Variants in ATXN2 observed in about 807,000 individuals in gnomAD.
ATXN2 encodes the protein ataxin-2.
In ATXN2, 37 loss-of-function variants were observed where a neutral mutation model predicts 138.6. The ratio of observed to expected loss-of-function variants is 0.27; its 90% confidence interval spans 0.21 to 0.35. The LOEUF is 0.35. Among genes scored for constraint, ATXN2 ranks in the 10% least tolerant of loss-of-function variants. ATXN2 has a pLI of 1.00. For synonymous variants in ATXN2, 549 were observed against 543.7 expected, an observed-to-expected ratio of 1.01 and a Z score of -0.13; for missense variants, 1,216 against 1,480.3, an observed-to-expected ratio of 0.82 and a Z score of 2.93.
intron 5 of ATXN2, among the ~76,000 whole-genome samples, chr12:111,528,456 C>T (rs974048621): frequency 6.6e-6 from 1 of 152,096 alleles, no homozygotes; most frequent in Non-Finnish European, 1.5e-5. Context: ...ACTTTAGGAC[C>T]CAGGCTTTAT....
intron 1 of ATXN2, among the ~76,000 whole-genome samples, chr12:111,592,869 A>G (rs2135852657): frequency 6.9e-6 from 1 of 145,392 alleles, no homozygotes; most frequent in East Asian, 1.9e-4. Context: ...ATCACTTGAA[A>G]TAGCTAAAAA....
At chr12:111,518,014 C>G (rs1199467341) in intron 9 of ATXN2, among the ~76,000 whole-genome samples, 1 of 152,086 alleles carries the variant, frequency 6.6e-6, no homozygotes, top group Non-Finnish European at 1.5e-5. Context: ...AGCACTTTAT[C>G]TTAGTACATC....
intron 1 of ATXN2, among the ~76,000 whole-genome samples, chr12:111,580,761 G>T (rs1362249320): frequency 6.6e-6 from 1 of 151,520 alleles, no homozygotes; most frequent in African/African-American, 2.4e-5. Flanking sequence ...AAATAAAAAG[G>T]AGAGAAAGGA....
chr12:111,546,754 C>G (rs1881818947), intron 5 of ATXN2, among the ~76,000 whole-genome samples: 1 of 152,108 alleles, frequency 6.6e-6, no homozygotes, highest in Non-Finnish European at 1.5e-5. Context: ...GAATACAGAG[C>G]CAAAAGCGAC....
intron 5 of ATXN2, among the ~76,000 whole-genome samples, chr12:111,541,205 T>C (rs1881480324): frequency 6.7e-6 from 1 of 150,014 alleles, no homozygotes; most frequent in Non-Finnish European, 1.5e-5. Context: ...AGGTATCTAA[T>C]TTGTCCCCAA....
At chr12:111,484,291 T>TA (rs1297996347) in intron 18 of ATXN2, among the ~76,000 whole-genome samples, 1 of 151,996 alleles carries the variant, frequency 6.6e-6, no homozygotes, top group East Asian at 1.9e-4. Context: ...TTAACTTTTT[T>TA]TTTTTTTTTT....
rs371812472 is a variant in ATXN2 at position 111,501,396 on chromosome 12, C to T, written c.1935+8153G>A. Among the ~76,000 whole-genome samples, 16 of 152,278 alleles carry T rather than the reference C, an allele frequency of 1.1e-4. 1 individual carries two copies. In the East Asian group the frequency reaches 2.5e-3, roughly 24 times the overall value. On this transcript the variant is annotated intron_variant, in intron 14 of 24. Transcript: ENST00000673436. ...ACAGAACCTAAGCCACAGGTTAGGACAACGGACCTAAGCCACAGCCCCAGG... is the reference window on the plus strand; with the variant it reads ...ACAGAACCTAAGCCACAGGTTAGGATAACGGACCTAAGCCACAGCCCCAGG...
At chr12:111,542,225 T>C (rs1413858665) in intron 5 of ATXN2, among the ~76,000 whole-genome samples, 5 of 151,118 alleles carry the variant, frequency 3.3e-5, no homozygotes, top group Admixed American at 2.6e-4. Context: ...TTTATCCCCA[T>C]GTCCTATGCT....
intron 2 of ATXN2, among the ~76,000 whole-genome samples, chr12:111,555,284 T>C (rs1049370820): frequency 2.0e-5 from 3 of 152,226 alleles, no homozygotes; most frequent in African/African-American, 7.2e-5. Flanking sequence ...AACAAGCGAC[T>C]TGTTCTTGTT....
chr12:111,540,050 C>T (rs1881413214), intron 5 of ATXN2, among the ~76,000 whole-genome samples: 1 of 150,186 alleles, frequency 6.7e-6, no homozygotes, highest in African/African-American at 2.4e-5. Context: ...TTTATAGATT[C>T]GGATTCTTTT....
chr12:111,509,568 T>G lies in ATXN2; in HGVS notation c.1916A>C (p.Lys639Thr). 1 of 1,478,208 alleles carries G rather than the reference T, an allele frequency of 6.8e-7. No individual in the cohort carries two copies. The highest frequency in any genetic ancestry group is 9.3e-7 in the Non-Finnish European group (1 of 1,073,682). The allele number at this position is 1,478,208 out of a possible 1,614,324, so 91.6% of individuals were successfully genotyped here. A position where few individuals can be genotyped will look rare whatever the true frequency, so the allele number is the denominator to read the frequency against. The change falls in exon 14 of 25, where the codon AAA becomes ACA. Residue 639 changes from lysine (K) to threonine (T), a missense_variant. Physicochemically the swap from Lys to Thr is moderately conservative, Grantham distance 78. Transcript: ENST00000673436. ...ACTTACCCTAAAATCATTCTTAAATTTCTTTAAATCATCAATCTGTTTTCT... is the reference window on the plus strand; with the variant it reads ...ACTTACCCTAAAATCATTCTTAAATGTCTTTAAATCATCAATCTGTTTTCT... ...EHRKQIDDLK[K>T]FKNDFRLQPS... is the part of the protein sequence containing the mutation.
chr12:111,570,899 T>C (rs1335963400), intron 1 of ATXN2, among the ~76,000 whole-genome samples: 1 of 152,220 alleles, frequency 6.6e-6, no homozygotes, highest in Non-Finnish European at 1.5e-5. Flanking sequence ...ACTGTAGCCA[T>C]TCATACTGTA....
intron 2 of ATXN2, among the ~76,000 whole-genome samples, chr12:111,555,213 G>A (rs1265428121): frequency 6.6e-6 from 1 of 152,020 alleles, no homozygotes. Flanking sequence ...CTCCACTCTT[G>A]GTGTTCTACG....
intron 18 of ATXN2, chr12:111,485,043 T>A: frequency 2.4e-6 from 1 of 418,200 alleles, no homozygotes. Flanking sequence ...TTACTCTTTT[T>A]GAAGAGGATA....
At chr12:111,587,381 C>A (rs1884400891) in intron 1 of ATXN2, among the ~76,000 whole-genome samples, 1 of 151,960 alleles carries the variant, frequency 6.6e-6, no homozygotes, top group South Asian at 2.1e-4. Context: ...TTGACCTGGC[C>A]AGCCACGGTG....
At chr12:111,541,010 C>T (rs28452544) in intron 5 of ATXN2, among the ~76,000 whole-genome samples, 15,454 of 150,070 alleles carry the variant, frequency 0.1, 2,780 homozygotes, top group African/African-American at 0.35. Context: ...TCTTTAATCT[C>T]TTTATAATCA....
At chr12:111,536,611 T>C (rs1038914772) in intron 5 of ATXN2, among the ~76,000 whole-genome samples, 3 of 151,896 alleles carry the variant, frequency 2.0e-5, no homozygotes, top group Non-Finnish European at 2.9e-5. Context: ...CCAACTCTAT[T>C]TTCAAAAAAT....
At chr12:111,473,205 T>C (rs1328498506) in intron 18 of ATXN2, among the ~76,000 whole-genome samples, 1 of 151,604 alleles carries the variant, frequency 6.6e-6, no homozygotes, top group Non-Finnish European at 1.5e-5. Context: ...GCTCGGGAAG[T>C]TGAGGCTGCA....
chr12:111,472,786 C>G (rs111818253), intron 18 of ATXN2, among the ~76,000 whole-genome samples: 41,590 of 151,626 alleles, frequency 0.27, 7,089 homozygotes, highest in East Asian at 0.9. Context: ...GTTGGCCAGG[C>G]TGGTCTCGAA....
Sources: gnomAD v4.1 joint callset for allele counts (sites outside exome capture counted in the v4.1 genomes callset) on GRCh38, gnomAD v4.1.1 for gene constraint, MANE v1.5 for transcripts, NCBI Gene and HGNC (gene_info 2026-07-23, HGNC 2026-07-21) for gene names.